Variants in DMD observed in about 807,000 individuals in gnomAD.
The protein encoded by DMD is dystrophin.
DMD carries 63 observed loss-of-function variants against 330.1 expected under a neutral mutation model. The ratio of observed to expected loss-of-function variants is 0.19; its 90% CI spans 0.16 to 0.24. The LOEUF (loss-of-function observed/expected upper bound fraction) is 0.24, where lower values mean the gene tolerates loss of function less well. DMD is among the 10% of genes least tolerant of loss of function. The probability of loss-of-function intolerance (pLI) is 1.00; values close to 1 mark genes in which losing one functional copy is unlikely to be tolerated. For synonymous variants in DMD, 1,223 were observed against 959.8 expected (o/e 1.27, Z -5.07); for missense variants, 3,344 against 2,684.1 (o/e 1.25, Z -5.43).
chrX:32,316,905 A>G, intron 41 of DMD, among the ~76,000 whole-genome samples: 1 of 111,244 alleles, frequency 9.0e-6, no homozygotes, highest in Admixed American at 9.6e-5. Flanking sequence ...AGTTTGGTTT[A>G]ATAAAAATTT....
chrX:33,211,485 G>T lies in DMD; in HGVS notation c.-173C>A, dbSNP rs1003520054. ...TTTCTCCGAAGGTAATTGCCTCCCAGATCTGAGTCCTGTAGGGGGAAAGTG... is the reference window on the plus strand; with the variant it reads ...TTTCTCCGAAGGTAATTGCCTCCCATATCTGAGTCCTGTAGGGGGAAAGTG... On this transcript the variant is annotated 5_prime_UTR_variant, in exon 1 of 79. It adds an upstream start codon to the 5' untranslated region. Transcript: ENST00000357033. 2.7e-6 allele frequency: 3 copies of T among 1,111,672 alleles called. No individual in the cohort carries two copies. Among genetic ancestry groups the T allele is most frequent in the Non-Finnish European group, 2.4e-6 (2 of 846,057 alleles). 91.6% of individuals were successfully genotyped at this position (1,111,672 alleles called of 1,213,427 possible). A position where few individuals can be genotyped will look rare whatever the true frequency, so the allele number is the denominator to read the frequency against.
intron 44 of DMD, among the ~76,000 whole-genome samples, chrX:32,155,174 C>G (rs984613240): frequency 2.7e-5 from 3 of 110,201 alleles, no homozygotes; most frequent in Non-Finnish European, 3.8e-5. Flanking sequence ...CTGCCTCTAA[C>G]TAGCTATTAC....
chrX:31,721,718 C>CTCTATATATATA (rs1227959078), intron 52 of DMD, among the ~76,000 whole-genome samples: 1 of 56,497 alleles, frequency 1.8e-5, no homozygotes, highest in Non-Finnish European at 3.3e-5. Context: ...CTCTCTCTCT[C>CTCTATATATATA]TATATATATA....
chrX:31,737,482 A>T (rs1325944703), intron 51 of DMD, among the ~76,000 whole-genome samples: 2 of 112,372 alleles, frequency 1.8e-5, no homozygotes, highest in Non-Finnish European at 3.8e-5. Flanking sequence ...GTAGAATCTG[A>T]GAAGTGGCTG....
At chrX:32,648,286 A>G (rs1306806065) in intron 9 of DMD, among the ~76,000 whole-genome samples, 1 of 111,967 alleles carries the variant, frequency 8.9e-6, no homozygotes, top group African/African-American at 3.2e-5. Flanking sequence ...GCAAAATTTT[A>G]TATTTATATC....
intron 37 of DMD, among the ~76,000 whole-genome samples, chrX:32,349,704 T>C (rs181454075): frequency 3.6e-5 from 4 of 112,056 alleles, no homozygotes; most frequent in African/African-American, 9.7e-5. Flanking sequence ...CATGATGACA[T>C]GATTCTCATA....
intron 7 of DMD, among the ~76,000 whole-genome samples, chrX:32,776,617 C>T (rs1170706798): frequency 9.0e-6 from 1 of 110,914 alleles, no homozygotes; most frequent in Admixed American, 9.6e-5. Flanking sequence ...CATTCACACA[C>T]TATCACAAGA....
At chrX:33,265,837 T>C (rs12851296) in intron 1 of DMD, among the ~76,000 whole-genome samples, 5,616 of 111,704 alleles carry the variant, frequency 0.05, 156 homozygotes, top group Non-Finnish European at 0.081. Context: ...TCAGTTAACA[T>C]AAAATAAATG....
chrX:32,731,243 T>C (rs959627675), intron 7 of DMD, among the ~76,000 whole-genome samples: 2 of 112,282 alleles, frequency 1.8e-5, no homozygotes, highest in Admixed American at 9.4e-5. Context: ...ATATCCTGCA[T>C]CTGGCTCGGA....
At chrX:31,875,834 G>T (rs2093959104) in intron 47 of DMD, among the ~76,000 whole-genome samples, 1 of 112,405 alleles carries the variant, frequency 8.9e-6, no homozygotes, top group Non-Finnish European at 1.9e-5. Context: ...TCCCAAATGA[G>T]TGATTTTTAT....
chrX:31,232,349 T>C (rs774742898), intron 63 of DMD, among the ~76,000 whole-genome samples: 3 of 110,987 alleles, frequency 2.7e-5, no homozygotes, highest in Admixed American at 9.6e-5. Context: ...ACCAGGTTGA[T>C]AGAAGAGGAA....
At chrX:31,458,943 G>A (rs2066361680) in intron 59 of DMD, among the ~76,000 whole-genome samples, 1 of 111,411 alleles carries the variant, frequency 9.0e-6, no homozygotes, top group Admixed American at 9.6e-5. Flanking sequence ...TAAGCCAACG[G>A]AGTAATTTAT....
At chrX:33,318,966 TA>T (rs1162097630) in intron 1 of DMD, among the ~76,000 whole-genome samples, 1 of 111,238 alleles carries the variant, frequency 9.0e-6, no homozygotes, top group Non-Finnish European at 1.9e-5. Flanking sequence ...AGGTTGGTAT[TA>T]GGGGGTGAGG....
chrX:31,206,510 C>T, intron 66 of DMD, 72 bp downstream of exon 66: 4 of 890,552 alleles, frequency 4.5e-6, no homozygotes, highest in Non-Finnish European at 6.5e-6. Context: ...AACAGTCTGT[C>T]ATTTCCCATC....
At chrX:32,966,028 T>C (rs2092138297) in intron 2 of DMD, among the ~76,000 whole-genome samples, 1 of 112,095 alleles carries the variant, frequency 8.9e-6, no homozygotes, top group East Asian at 2.8e-4. Flanking sequence ...CATTGAATCA[T>C]ACTCAAAGCA....
intron 44 of DMD, among the ~76,000 whole-genome samples, chrX:32,085,207 G>T (rs565728160): frequency 2.7e-5 from 3 of 111,172 alleles, no homozygotes; most frequent in Non-Finnish European, 5.7e-5. Context: ...CTTATTTTAA[G>T]TGTAAGTTAT....
chrX:31,349,650 A>G (rs183724577), intron 60 of DMD, among the ~76,000 whole-genome samples: 146 of 111,690 alleles, frequency 1.3e-3, no homozygotes, highest in African/African-American at 4.6e-3. Context: ...AGTGAGTTCT[A>G]TTCTTGGTGG....
At chrX:32,892,836 C>G (rs1014850183) in intron 2 of DMD, among the ~76,000 whole-genome samples, 1 of 112,147 alleles carries the variant, frequency 8.9e-6, no homozygotes, top group South Asian at 3.7e-4. Flanking sequence ...CCACAATGAT[C>G]GTGTAAGCAA....
chrX:33,023,745 G>A (rs1374076221), intron 1 of DMD, among the ~76,000 whole-genome samples: 1 of 110,954 alleles, frequency 9.0e-6, no homozygotes, highest in Non-Finnish European at 1.9e-5. Context: ...TTCAAGTCAT[G>A]GGCTCCATTT....
Sources: gnomAD v4.1 joint callset for allele counts (sites outside exome capture counted in the v4.1 genomes callset) on GRCh38, gnomAD v4.1.1 for gene constraint, MANE v1.5 for transcripts, NCBI Gene and HGNC (gene_info 2026-07-23, HGNC 2026-07-21) for gene names.